Variants in TXNDC16 observed in about 807,000 individuals in gnomAD.
TXNDC16 encodes thioredoxin domain containing 16.
TXNDC16 carries 74 observed loss-of-function variants against 85.6 expected under a neutral mutation model. The observed-to-expected ratio is 0.86, with a 90% CI of 0.72 to 1.05. TXNDC16 has a LOEUF of 1.05. Ranked by LOEUF, TXNDC16 falls within the 50% of genes least tolerant of loss-of-function variation. The pLI is 0.00. For synonymous variants in TXNDC16, 335 were observed against 326.5 expected, an observed-to-expected ratio of 1.03 and a Z score of -0.28; for missense variants, 959 against 947.0, an observed-to-expected ratio of 1.01 and a Z score of -0.17.
Position 52,431,463 on chromosome 14 carries a change from G to T in TXNDC16, c.*841C>A, listed in dbSNP as rs1007669496. On this transcript the variant is annotated 3_prime_UTR_variant, in exon 21 of 21. Coordinates refer to ENST00000281741, the MANE Select transcript of TXNDC16 (RefSeq NM_020784.3). ...CAAGTTGTATCCAGGTAATAATCAGGATAAGACCATCTAATACATATCTTT... is the reference window on the plus strand; with the variant it reads ...CAAGTTGTATCCAGGTAATAATCAGTATAAGACCATCTAATACATATCTTT... The T allele has an allele frequency of 4.6e-5, 7 of 152,124 alleles. No individual in the cohort carries two copies. The highest frequency in any genetic ancestry group is 1.7e-4 in the African/African-American group (7 of 41,432). 9.4% of individuals were successfully genotyped at this position (152,124 alleles called of 1,614,324 possible).
intron 16 of TXNDC16, among the ~76,000 whole-genome samples, chr14:52,460,770 ATG>A (rs2035634630): frequency 1.3e-5 from 2 of 152,066 alleles, no homozygotes; most frequent in African/African-American, 4.8e-5. Flanking sequence ...TCTATAGAAT[ATG>A]TCTCTTCTTT....
chr14:52,468,576 C>T (rs985896131), intron 16 of TXNDC16, among the ~76,000 whole-genome samples: 5 of 152,132 alleles, frequency 3.3e-5, no homozygotes, highest in African/African-American at 1.2e-4. Flanking sequence ...AACAGTAAAA[C>T]TCCATTTTAA....
rs2037873417 is a variant in TXNDC16 at position 52,543,331 on chromosome 14, T to C, written c.160+67A>G. 3.3e-6 allele frequency: 5 copies of C among 1,496,458 alleles called. No individual in the cohort carries two copies. The African/African-American group carries it at 5.6e-5, about 17-fold the overall frequency. The allele number at this position is 1,496,458 out of a possible 1,614,324, so 92.7% of individuals were successfully genotyped here. On this transcript the variant is annotated intron_variant, in intron 3 of 20. Transcript: ENST00000281741. ...ATTAATCTTAACAGAAATTTCCCAC[T>C]GAACTTACTGATTAAATAGCAATAA... is the stretch of plus-strand genomic sequence containing the variant.
chr14:52,486,233 C>T (rs2036266497), intron 12 of TXNDC16, among the ~76,000 whole-genome samples: 4 of 150,738 alleles, frequency 2.7e-5, no homozygotes, highest in Admixed American at 2.6e-4. Flanking sequence ...GCTCTACCTT[C>T]AACCTATTCA....
intron 18 of TXNDC16, among the ~76,000 whole-genome samples, chr14:52,445,489 T>C (rs1594683370): frequency 6.6e-6 from 1 of 152,222 alleles, no homozygotes; most frequent in Non-Finnish European, 1.5e-5. Context: ...CTTGAGTCAC[T>C]TCAGAAATGT....
intron 6 of TXNDC16, among the ~76,000 whole-genome samples, chr14:52,530,915 C>G (rs2037560664): frequency 6.6e-6 from 1 of 151,618 alleles, no homozygotes; most frequent in Admixed American, 6.6e-5. Flanking sequence ...AACAAACTGG[C>G]TTGTCTGGGA....
At chr14:52,548,009 T>A (rs1566593274) in intron 1 of TXNDC16, among the ~76,000 whole-genome samples, 1 of 152,194 alleles carries the variant, frequency 6.6e-6, no homozygotes, top group Non-Finnish European at 1.5e-5. Flanking sequence ...TTCTGGAAGC[T>A]TTTAAGAGTC....
chr14:52,464,884 A>G (rs1285765264), intron 16 of TXNDC16, among the ~76,000 whole-genome samples: 1 of 152,214 alleles, frequency 6.6e-6, no homozygotes, highest in Non-Finnish European at 1.5e-5. Flanking sequence ...GGTTGCAGTG[A>G]GCCAACATCA....
At chr14:52,548,933 G>A (rs1447387435) in intron 1 of TXNDC16, among the ~76,000 whole-genome samples, 1 of 152,168 alleles carries the variant, frequency 6.6e-6, no homozygotes, top group Non-Finnish European at 1.5e-5. Context: ...TTTCCGGGTT[G>A]TTTCCACAGT....
At chr14:52,513,891 T>C (rs1287409236) in intron 8 of TXNDC16, among the ~76,000 whole-genome samples, 1 of 152,074 alleles carries the variant, frequency 6.6e-6, no homozygotes, top group East Asian at 1.9e-4. Context: ...GGGGCTAGCA[T>C]GCAATCACTG....
intron 8 of TXNDC16, 57 bp from the exon 9 acceptor site, chr14:52,511,447 C>A (rs1566570111): frequency 1.4e-5 from 16 of 1,161,452 alleles, no homozygotes; most frequent in Non-Finnish European, 1.1e-5. Context: ...CTTCTACCAT[C>A]CAATAAGCTG....
At chr14:52,513,790 T>C (rs1056141174) in intron 8 of TXNDC16, among the ~76,000 whole-genome samples, 2 of 152,034 alleles carry the variant, frequency 1.3e-5, no homozygotes, top group African/African-American at 4.8e-5. Context: ...TATGTTTTAA[T>C]ATCACTATTA....
chr14:52,488,586 A>G, intron 11 of TXNDC16, 100 bp from the exon 12 acceptor site: 1 of 977,874 alleles, frequency 1.0e-6, no homozygotes, highest in East Asian at 3.0e-5. Context: ...CTGTAATCCC[A>G]GCACTTTGGG....
At chr14:52,545,235 T>C (rs1392877265) in intron 1 of TXNDC16, among the ~76,000 whole-genome samples, 1 of 152,166 alleles carries the variant, frequency 6.6e-6, no homozygotes, top group Non-Finnish European at 1.5e-5. Context: ...TCTTTTCACC[T>C]AGAATGTATT....
intron 6 of TXNDC16, among the ~76,000 whole-genome samples, chr14:52,521,321 C>T (rs2037206422): frequency 6.7e-6 from 1 of 149,980 alleles, no homozygotes; most frequent in Admixed American, 6.7e-5. Flanking sequence ...TGGAGTTTCA[C>T]CATATTGGCC....
chr14:52,511,104 T>C (rs1341977673), intron 9 of TXNDC16, 136 bp downstream of exon 9: 3 of 666,802 alleles, frequency 4.5e-6, no homozygotes, highest in African/African-American at 3.7e-5. Flanking sequence ...AGGGAAAAGC[T>C]ATAACTGTCA....
intron 6 of TXNDC16, among the ~76,000 whole-genome samples, chr14:52,531,950 C>T (rs1420027646): frequency 3.3e-5 from 5 of 152,028 alleles, no homozygotes; most frequent in Admixed American, 6.6e-5. Flanking sequence ...GTAAATTTTT[C>T]AAGTTTCTGT....
chr14:52,543,791 T>C (rs2037885695), intron 2 of TXNDC16, among the ~76,000 whole-genome samples, 161 bp from the exon 3 acceptor site: 1 of 152,106 alleles, frequency 6.6e-6, no homozygotes, highest in Non-Finnish European at 1.5e-5. Flanking sequence ...TATAACAACA[T>C]TGACTTGAAA....
chr14:52,507,181 A>G (rs2036831084), intron 9 of TXNDC16, among the ~76,000 whole-genome samples: 1 of 152,132 alleles, frequency 6.6e-6, no homozygotes, highest in South Asian at 2.1e-4. Context: ...TCTCAGCCCA[A>G]AATCTCCTTA....
Sources: allele counts gnomAD v4.1 joint callset (sites outside exome capture counted in the v4.1 genomes callset), GRCh38; gene constraint gnomAD v4.1.1; transcripts MANE v1.5; gene names NCBI Gene and HGNC (gene_info 2026-07-23, HGNC 2026-07-21).